Variants in NUCB2 observed in about 807,000 individuals in gnomAD.
The protein encoded by NUCB2 is nucleobindin-2.
Under a neutral mutation model 57.9 loss-of-function variants are expected in NUCB2, and 48 were observed. The observed-to-expected ratio is 0.83, with a 90% confidence interval of 0.66 to 1.05. NUCB2 has a LOEUF of 1.05. NUCB2 is among the 50% of genes least tolerant of loss of function. NUCB2 has a pLI of 0.00. For synonymous variants in NUCB2, 139 were observed against 152.1 expected, an observed-to-expected ratio of 0.91 and a Z score of 0.64; for missense variants, 442 against 476.2, an observed-to-expected ratio of 0.93 and a Z score of 0.67.
At chr11:17,344,886 C>T (rs1019216940) in intron 2 of NUCB2, among the ~76,000 whole-genome samples, 2 of 152,122 alleles carry the variant, frequency 1.3e-5, no homozygotes, top group Admixed American at 1.3e-4. Context: ...AGTTCCAGGA[C>T]CTAAGAATGG....
chr11:17,313,456 G>A (rs1174909958), intron 10 of NUCB2, among the ~76,000 whole-genome samples: 1 of 152,098 alleles, frequency 6.6e-6, no homozygotes, highest in Non-Finnish European at 1.5e-5. Context: ...CTTGAACCCA[G>A]GCGGCAGAGT....
chr11:17,330,111 AT>A lies in NUCB2; in HGVS notation c.1003-8del, dbSNP rs759602724. The stretch of plus-strand genomic sequence containing the variant: ...GTAGTTTTGAGATTATTCTTTCCTC[AT>A]TTTTTTTCTTTTAGACATTAGATCA... On this transcript the variant is annotated splice_polypyrimidine_tract_variant and intron_variant, in intron 11 of 13. Transcript: ENST00000529010. The surrounding 1 kb of genome is among the most constrained non-coding windows in gnomAD (Gnocchi z 4.3). 3.4e-5 allele frequency: 46 copies of A among 1,344,502 alleles called. No homozygotes were observed. Among genetic ancestry groups the A allele is most frequent in the Middle Eastern group, 2.1e-4 (1 of 4,786 alleles). 83.3% of individuals were successfully genotyped at this position (1,344,502 alleles called of 1,614,324 possible). A position where few individuals can be genotyped will look rare whatever the true frequency, so the allele number is the denominator to read the frequency against.
intron 2 of NUCB2, among the ~76,000 whole-genome samples, chr11:17,345,051 GCTGT>G (rs1952604365): frequency 6.6e-6 from 1 of 152,192 alleles, no homozygotes; most frequent in Non-Finnish European, 1.5e-5. Flanking sequence ...TGTAGTAAAT[GCTGT>G]CTGTGTACCA....
intron 1 of NUCB2, among the ~76,000 whole-genome samples, chr11:17,277,452 C>T (rs1439805507): frequency 6.6e-6 from 1 of 151,746 alleles, no homozygotes; most frequent in Non-Finnish European, 1.5e-5. Context: ...TTGCAACGGT[C>T]TTAGATGACA....
chr11:17,292,798 T>G (rs10832756), intron 2 of NUCB2, among the ~76,000 whole-genome samples: 1 of 152,140 alleles, frequency 6.6e-6, no homozygotes, highest in Non-Finnish European at 1.5e-5. Flanking sequence ...TAATATATTT[T>G]AAAAGTTTAG....
At chr11:17,321,626 T>A (rs1007540444) in intron 11 of NUCB2, among the ~76,000 whole-genome samples, 42 of 152,156 alleles carry the variant, frequency 2.8e-4, no homozygotes, top group Admixed American at 1.3e-4. Context: ...TGCATTAAGA[T>A]TGCTGGGTCA....
chr11:17,311,372 T>C, intron 8 of NUCB2, 89 bp downstream of exon 8: 2 of 930,808 alleles, frequency 2.1e-6, no homozygotes, highest in Non-Finnish European at 3.3e-6. Flanking sequence ...CAAGGTCTGC[T>C]ATTGAGTTCT....
At chr11:17,336,099 C>G (rs1488556925), downstream of NUCB2, among the ~76,000 whole-genome samples, 1 of 152,010 alleles carries the variant, frequency 6.6e-6, no homozygotes, top group African/African-American at 2.4e-5. Context: ...TGAGTCACCA[C>G]ACCCAGCTAA....
At chr11:17,288,329 A>G (rs1944141615) in intron 2 of NUCB2, among the ~76,000 whole-genome samples, 2 of 152,028 alleles carry the variant, frequency 1.3e-5, no homozygotes, top group Admixed American at 1.3e-4. Flanking sequence ...GTGTCTTAAT[A>G]TCGATGGAAT....
intron 8 of NUCB2, 63 bp downstream of exon 8, chr11:17,311,346 C>T: frequency 8.2e-6 from 10 of 1,220,038 alleles, no homozygotes; most frequent in Non-Finnish European, 1.2e-5. Flanking sequence ...TTGCTTTCCT[C>T]TTAATTGATT....
intron 2 of NUCB2, among the ~76,000 whole-genome samples, chr11:17,343,301 G>A (rs1286390955): frequency 3.9e-5 from 6 of 151,942 alleles, no homozygotes; most frequent in Admixed American, 3.9e-4. Context: ...TTGATTTAAT[G>A]GTGAGAGAGA....
chr11:17,296,285 A>G, intron 4 of NUCB2, 74 bp downstream of exon 4: 1 of 816,910 alleles, frequency 1.2e-6, no homozygotes, highest in Non-Finnish European at 1.8e-6. Context: ...GTCTCACCAT[A>G]TAACCCAGGT....
chr11:17,287,449 A>G (rs1292144508), intron 2 of NUCB2, among the ~76,000 whole-genome samples: 2 of 152,068 alleles, frequency 1.3e-5, no homozygotes, highest in Middle Eastern at 3.4e-3. Flanking sequence ...AGGTGGGCAG[A>G]TTGGTTGAGG....
chr11:17,312,436 C>T (rs1016796301), intron 10 of NUCB2, among the ~76,000 whole-genome samples: 5 of 151,198 alleles, frequency 3.3e-5, no homozygotes, highest in African/African-American at 9.7e-5. Flanking sequence ...CGGAGTCTCA[C>T]TCTGTCATCC....
chr11:17,288,292 A>AT (rs1944134681), intron 2 of NUCB2, among the ~76,000 whole-genome samples: 1 of 152,052 alleles, frequency 6.6e-6, no homozygotes, highest in Admixed American at 6.6e-5. Context: ...AATTGGCAGC[A>AT]TTTTTTTCTA....
intron 4 of NUCB2, among the ~76,000 whole-genome samples, chr11:17,299,265 C>T (rs1946323752): frequency 6.6e-6 from 1 of 152,262 alleles, no homozygotes; most frequent in East Asian, 1.9e-4. Flanking sequence ...TTCCTACCTT[C>T]GGGGTGTCCA....
At chr11:17,297,081 T>C (rs1945938553) in intron 4 of NUCB2, among the ~76,000 whole-genome samples, 3 of 152,220 alleles carry the variant, frequency 2.0e-5, no homozygotes, top group Admixed American at 2.0e-4. Context: ...TTGTAAAGTC[T>C]TTCCTTAAAA....
chr11:17,320,717 T>C (rs1485683739), intron 11 of NUCB2, among the ~76,000 whole-genome samples: 1 of 152,192 alleles, frequency 6.6e-6, no homozygotes, highest in East Asian at 1.9e-4. Flanking sequence ...ACAAATACTA[T>C]GATCAAAAAT....
intron 5 of NUCB2, among the ~76,000 whole-genome samples, chr11:17,304,355 C>T (rs549416425): frequency 6.6e-6 from 1 of 151,992 alleles, no homozygotes; most frequent in Non-Finnish European, 1.5e-5. Context: ...CCACCACTCC[C>T]GGCTAATTTT....
Sources: allele counts gnomAD v4.1 joint callset (sites outside exome capture counted in the v4.1 genomes callset), GRCh38; gene constraint gnomAD v4.1.1; non-coding constraint Gnocchi (gnomAD v3.1); transcripts MANE v1.5; gene names NCBI Gene and HGNC (gene_info 2026-07-23, HGNC 2026-07-21).